The following HDAC9 variants were observed in gnomAD, a reference collection of about 807,000 sequenced individuals.
The protein encoded by HDAC9 is MEF-2 interacting transcription repressor (MITR) protein.
HDAC9 carries 41 observed loss-of-function variants against 139.4 expected under a neutral mutation model. That is an observed-to-expected ratio of 0.29 (90% confidence interval 0.23 to 0.38). The LOEUF is 0.38. Among genes scored for constraint, HDAC9 ranks in the 10% least tolerant of loss-of-function variants. The pLI, the probability that HDAC9 is intolerant of heterozygous loss-of-function variation, is 1.00. For synonymous variants in HDAC9, 517 were observed against 476.2 expected (o/e 1.09, Z -1.12); for missense variants, 1,147 against 1,297.0 (o/e 0.88, Z 1.78).
Position 18,498,824 on chromosome 7 carries a change from A to G in HDAC9, c.22+2500A>G, listed in dbSNP as rs191891057. Among the ~76,000 whole-genome samples the G allele has an allele frequency of 1.5e-4, 23 of 152,158 alleles. No individual in the cohort carries two copies. In the East Asian group the frequency reaches 4.3e-3, roughly 28 times the overall value. ...GGTTCAGATGTATCAATATGTCTTT[A>G]AAACGTATACTCACTATTAGAATTG... is the stretch of plus-strand genomic sequence containing the variant. On this transcript the variant is annotated intron_variant, in intron 2 of 25. Coordinates refer to ENST00000686413, the MANE Select transcript of HDAC9 (RefSeq NM_178425.4).
chr7:18,550,522 C>T (rs11977090), intron 2 of HDAC9, among the ~76,000 whole-genome samples: 1,926 of 152,028 alleles, frequency 0.013, 42 homozygotes, highest in African/African-American at 0.044. Flanking sequence ...AGACTTAATT[C>T]GTAAGTAAAT....
chr7:18,400,363 G>A (rs1585631385), intron 1 of HDAC9, among the ~76,000 whole-genome samples: 1 of 152,302 alleles, frequency 6.6e-6, no homozygotes, highest in East Asian at 1.9e-4. Context: ...ATGATTTGGA[G>A]AGTGATTGAC....
chr7:18,613,030 A>G (rs1023054151), intron 6 of HDAC9, among the ~76,000 whole-genome samples: 3 of 149,340 alleles, frequency 2.0e-5, no homozygotes, highest in African/African-American at 7.3e-5. Context: ...TTATAATTAG[A>G]TATATTTATA....
intron 22 of HDAC9, among the ~76,000 whole-genome samples, chr7:18,892,996 T>TGA (rs1274824673): frequency 8.1e-6 from 1 of 123,202 alleles, no homozygotes; most frequent in Non-Finnish European, 1.6e-5. Flanking sequence ...GCAGCTGTGT[T>TGA]GAGAGCTTAT....
chr7:18,191,745 T>A (rs1044440854), intron 2 of HDAC9, among the ~76,000 whole-genome samples: 20 of 152,246 alleles, frequency 1.3e-4, no homozygotes, highest in Non-Finnish European at 5.9e-5. Context: ...TGAATTGAAA[T>A]GTTTTGAAAA....
At chr7:18,587,074 C>T (rs1315195838) in intron 3 of HDAC9, among the ~76,000 whole-genome samples, 2 of 152,076 alleles carry the variant, frequency 1.3e-5, no homozygotes, top group Non-Finnish European at 2.9e-5. Flanking sequence ...AGACATGTTT[C>T]CCTAAATACA....
At chr7:18,626,492 C>T (rs182283848) in intron 6 of HDAC9, among the ~76,000 whole-genome samples, 3 of 152,242 alleles carry the variant, frequency 2.0e-5, no homozygotes, top group East Asian at 1.9e-4. Context: ...CATGAGAAAT[C>T]GAGGTTTAAT....
intron 2 of HDAC9, among the ~76,000 whole-genome samples, chr7:18,259,863 A>G (rs1245833791): frequency 3.3e-5 from 5 of 152,216 alleles, no homozygotes; most frequent in Non-Finnish European, 7.3e-5. Context: ...TACCTCTTTT[A>G]GAAACATTTT....
intron 1 of HDAC9, among the ~76,000 whole-genome samples, chr7:18,296,633 A>G (rs1798167994): frequency 6.6e-6 from 1 of 152,202 alleles, no homozygotes; most frequent in Non-Finnish European, 1.5e-5. Context: ...GTATGAAATT[A>G]GTTTTTAAAA....
intron 16 of HDAC9, among the ~76,000 whole-genome samples, chr7:18,783,240 C>T (rs886582879): frequency 2.6e-5 from 4 of 152,042 alleles, no homozygotes; most frequent in African/African-American, 9.7e-5. Flanking sequence ...TCTGGCTTCA[C>T]CTTTTCTTTC....
At chr7:18,547,211 G>A (rs1276134298) in intron 2 of HDAC9, among the ~76,000 whole-genome samples, 2 of 152,304 alleles carry the variant, frequency 1.3e-5, no homozygotes, top group East Asian at 3.9e-4. Flanking sequence ...GGTGGTGGTT[G>A]CTGAAGGATA....
rs1041680028 is a variant in HDAC9, at chr7:18,732,650, T to C, written c.1909+4893T>C. On this transcript the variant is annotated intron_variant, in intron 13 of 25. Transcript: ENST00000686413. Reference sequence around the variant, plus strand: ...ACGTGTATATGTGTGCATATGTGTATATATACACACACACGTGTATATGTG... The same window carrying C: ...ACGTGTATATGTGTGCATATGTGTACATATACACACACACGTGTATATGTG... 2.6e-4 allele frequency among the ~76,000 whole-genome samples: 21 copies of C among 79,350 alleles called. 2 individuals are homozygous for C. Among genetic ancestry groups the C allele is most frequent in the East Asian group, 7.9e-4 (1 of 1,264 alleles). The allele number at this position is 79,350 out of a possible 152,430, so 52.1% of individuals were successfully genotyped here.
intron 2 of HDAC9, among the ~76,000 whole-genome samples, chr7:18,281,194 C>G (rs1797083203): frequency 6.6e-6 from 1 of 152,202 alleles, no homozygotes; most frequent in African/African-American, 2.4e-5. Context: ...GAGTCTGAAG[C>G]AGAATCAGGC....
chr7:18,478,746 T>C (rs1795321368), intron 1 of HDAC9, among the ~76,000 whole-genome samples: 1 of 152,200 alleles, frequency 6.6e-6, no homozygotes, highest in East Asian at 1.9e-4. Flanking sequence ...AAATAAACTT[T>C]CACTATCAAT....
intron 2 of HDAC9, among the ~76,000 whole-genome samples, chr7:18,261,230 C>G (rs1445864787): frequency 6.6e-6 from 1 of 152,054 alleles, no homozygotes; most frequent in Admixed American, 6.6e-5. Context: ...ATTGGTTGAG[C>G]CTGGAAGTTC....
chr7:18,141,750 C>T (rs1329645393), intron 1 of HDAC9, among the ~76,000 whole-genome samples: 3 of 152,066 alleles, frequency 2.0e-5, no homozygotes, highest in East Asian at 1.9e-4. Context: ...GTATCATTTC[C>T]GTATTACCAA....
intron 1 of HDAC9, among the ~76,000 whole-genome samples, chr7:18,303,543 G>A (rs899454458): frequency 1.2e-4 from 19 of 152,156 alleles, no homozygotes; most frequent in South Asian, 2.1e-4. Flanking sequence ...CACCGCGCCC[G>A]GCCGGAATGA....
rs367552670 is a variant in HDAC9 at position 18,552,596 on chromosome 7, C to A, written c.23-32685C>A. Among the ~76,000 whole-genome samples the A allele has an allele frequency of 3.3e-5, 5 of 152,198 alleles. No individual in the cohort carries two copies. The East Asian group carries it at 9.7e-4, about 29-fold the overall frequency. ...TAATGACCCGGTTTTCTTTATTTTT[C>A]TGGTGAGCAATTTAACTGCTACCTC... On this transcript the variant is annotated intron_variant, in intron 2 of 25. Transcript: ENST00000686413.
At chr7:18,217,768 A>T (rs1467309175) in intron 2 of HDAC9, among the ~76,000 whole-genome samples, 9 of 152,234 alleles carry the variant, frequency 5.9e-5, no homozygotes, top group African/African-American at 2.2e-4. Context: ...ATATTTGGAA[A>T]ATATAGAGAA....
Sources: allele counts gnomAD v4.1 joint callset (sites outside exome capture counted in the v4.1 genomes callset), GRCh38; gene constraint gnomAD v4.1.1; transcripts MANE v1.5; gene names NCBI Gene and HGNC (gene_info 2026-07-23, HGNC 2026-07-21).